The following MMS19 variants were observed in gnomAD, a reference collection of about 807,000 sequenced individuals.
The protein encoded by MMS19 is MMS19 cytosolic iron-sulfur assembly component.
Under a neutral mutation model 129.8 loss-of-function variants are expected in MMS19, and 77 were observed. That is an observed-to-expected ratio of 0.59 (90% CI 0.49 to 0.72). MMS19 has a LOEUF of 0.72. MMS19 is among the 30% of genes least tolerant of loss of function. MMS19 has a pLI of 0.00. For synonymous variants in MMS19, 491 were observed against 502.8 expected (o/e 0.98, Z 0.31); for missense variants, 1,168 against 1,266.3 (o/e 0.92, Z 1.18).
chr10:97,459,892 GGAA>G, intron 26 of MMS19, 151 bp from the exon 27 acceptor site: 2 of 996,838 alleles, frequency 2.0e-6, no homozygotes, highest in Non-Finnish European at 1.5e-6. Flanking sequence ...GCCCATGAAA[GGAA>G]GAAGTGGGAC....
chr10:97,477,730 C>G, intron 5 of MMS19, 125 bp downstream of exon 5: 1 of 707,626 alleles, frequency 1.4e-6, no homozygotes, highest in Non-Finnish European at 2.4e-6. Context: ...TGAAGAAGAG[C>G]ATAAAAACAT....
In MMS19 at chr10:97,460,200, A is replaced by G. The variant is rs1203585689; in HGVS notation, c.2502T>C (p.Gly834=). The change falls in exon 26 of 31, where the codon GGT becomes GGC. Residue 834 remains glycine (G), a synonymous_variant. Coordinates refer to ENST00000438925, the MANE Select transcript of MMS19 (RefSeq NM_022362.5). The part of the protein sequence containing the change: ...LMGLLSDPEL[G]PAAADGFSLL... ...GAGAGAAGCCATCAGCTGCTGCTGG[A>G]CCTAATTCTGGGTCACTCAGGAGGC... is the stretch of plus-strand genomic sequence containing the variant. 6.2e-7 allele frequency: 1 copy of G among 1,613,832 alleles called. No individual in the cohort carries two copies. The highest frequency in any genetic ancestry group is 1.7e-5 in the Admixed American group (1 of 60,008).
chr10:97,458,880 C>T lies in MMS19; in HGVS notation c.2985G>A (p.Gln995=). ...GGGGTTTGGCTAAGGCCCGAATCACCTGTGGTTTGTACGGCAGCAGCTGTG... is the reference window on the plus strand; with the variant it reads ...GGGGTTTGGCTAAGGCCCGAATCACTTGTGGTTTGTACGGCAGCAGCTGTG... ...PTPVLLPYKP[Q]VIRALAKPLD... The change falls in exon 30 of 31, where the codon CAG becomes CAA. Residue 995 remains glutamine, a synonymous_variant. Transcript: ENST00000438925. 6.2e-7 allele frequency: 1 copy of T among 1,614,026 alleles called. No homozygotes were observed. The highest frequency in any genetic ancestry group is 8.5e-7 in the Non-Finnish European group (1 of 1,179,894).
Position 97,498,411 on chromosome 10 carries a change from G to T in MMS19, c.-27C>A, listed in dbSNP as rs772217403. On this transcript the variant is annotated 5_prime_UTR_variant, in exon 1 of 31. Transcript: ENST00000438925. ...ACGCGAACTAGAGACCGTGGGAGGG[G>T]ATATGGGCGGTGGCTCGAGACGGGC... 5 of 1,574,394 alleles carry T rather than the reference G, an allele frequency of 3.2e-6. No homozygotes were observed. In the South Asian group the frequency reaches 4.6e-5, roughly 14 times the overall value.
intron 1 of MMS19, among the ~76,000 whole-genome samples, chr10:97,487,565 G>C (rs2038137145): frequency 6.6e-6 from 1 of 151,864 alleles, no homozygotes; most frequent in African/African-American, 2.4e-5. Flanking sequence ...ATGATCTGCT[G>C]GCCTTGGCCT....
chr10:97,489,402 A>G (rs1259226275), intron 1 of MMS19, among the ~76,000 whole-genome samples: 1 of 152,240 alleles, frequency 6.6e-6, no homozygotes, highest in Non-Finnish European at 1.5e-5. Context: ...TTTAAAAGAA[A>G]TATTTCATTT....
rs769622001 is a variant in MMS19, at chr10:97,466,834, G to A, written c.1365C>T (p.Pro455=). Reference sequence around the variant, plus strand: ...TGCCAACAAGCTGAAGCTGGGTGCTGGGGTCTGTTAGAGCCATGAATACCA... The same window carrying A: ...TGCCAACAAGCTGAAGCTGGGTGCTAGGGTCTGTTAGAGCCATGAATACCA... ...CSLVFMALTD[P]STQLQLVGIR... is the part of the protein sequence containing the mutation. The change falls in exon 15 of 31, where the codon CCC becomes CCT. Residue 455 remains proline (P), a synonymous_variant. Coordinates refer to ENST00000438925, the MANE Select transcript of MMS19 (RefSeq NM_022362.5). The A allele has an allele frequency of 2.0e-5, 32 of 1,613,872 alleles. No individual in the cohort carries two copies. Among genetic ancestry groups the A allele is most frequent in the Non-Finnish European group, 2.5e-5 (30 of 1,179,880 alleles).
At chr10:97,476,993 T>C (rs772242496) in intron 6 of MMS19, 30 bp from the exon 7 acceptor site, 17 of 1,613,270 alleles carry the variant, frequency 1.1e-5, no homozygotes, top group Admixed American at 1.7e-5. Flanking sequence ...GTTACTATAC[T>C]GTCCCACAGC....
At chr10:97,459,852 A>G in intron 26 of MMS19, 111 bp from the exon 27 acceptor site, 2 of 1,018,222 alleles carry the variant, frequency 2.0e-6, no homozygotes, top group Non-Finnish European at 3.0e-6. Context: ...CGGGTGAAAG[A>G]GCCCTTCACG....
intron 3 of MMS19, among the ~76,000 whole-genome samples, chr10:97,478,796 C>T (rs2036221574): frequency 6.6e-6 from 1 of 151,570 alleles, no homozygotes; most frequent in Non-Finnish European, 1.5e-5. Flanking sequence ...TAGCTATGTT[C>T]CAATAAAAGT....
At chr10:97,473,482 A>AG (rs1221908593) in intron 8 of MMS19, among the ~76,000 whole-genome samples, 3 of 151,822 alleles carry the variant, frequency 2.0e-5, no homozygotes, top group Admixed American at 2.0e-4. Context: ...CATCAAACTG[A>AG]GGGGGTAAAC....
intron 2 of MMS19, among the ~76,000 whole-genome samples, chr10:97,482,398 C>T (rs1050639208): frequency 6.6e-6 from 1 of 151,902 alleles, no homozygotes; most frequent in Non-Finnish European, 1.5e-5. Flanking sequence ...ATGGATGAAC[C>T]CCAAAAACAT....
chr10:97,460,366 G>A (rs2031432498), intron 25 of MMS19, 134 bp from the exon 26 acceptor site: 1 of 759,574 alleles, frequency 1.3e-6, no homozygotes, highest in African/African-American at 1.8e-5. Flanking sequence ...TGGACTGCTT[G>A]AGTCTAGGAG....
Position 97,482,155 on chromosome 10 carries a change from A to C in MMS19, c.162-1113T>G, listed in dbSNP as rs553314443. 8.5e-5 allele frequency among the ~76,000 whole-genome samples: 13 copies of C among 152,308 alleles called. No homozygotes were observed. In the South Asian group the frequency reaches 2.7e-3, roughly 32 times the overall value. On this transcript the variant is annotated intron_variant, in intron 2 of 30. Coordinates refer to ENST00000438925, the MANE Select transcript of MMS19 (RefSeq NM_022362.5). ...CGCTCCACTGCACTCTAGCTCGATT[A>C]ACAGAGTGAGACCCTGTCTCAAAGA...
At position 97,466,859 on chromosome 10, in the gene MMS19, A is replaced by G; in HGVS notation, c.1340T>C (p.Leu447Pro). ...GGGGTCTGTTAGAGCCATGAATACC[A>G]GTGAGCACAGCTGGTCCTTGAAGCC... The part of the protein sequence containing the change: ...LNGFKDQLCS[L>P]VFMALTDPST... Residue 447 changes from leucine (L) to proline (P), a missense_variant, in exon 15 of 31, where the codon CTG (leucine) becomes CCG (proline). Physicochemically the swap from Leu to Pro is moderately conservative, Grantham distance 98. Coordinates refer to ENST00000438925, the MANE Select transcript of MMS19 (RefSeq NM_022362.5). 1 of 1,614,030 alleles carries G rather than the reference A, an allele frequency of 6.2e-7. No homozygotes were observed. Among genetic ancestry groups the G allele is most frequent in the Non-Finnish European group, 8.5e-7 (1 of 1,179,886 alleles).
chr10:97,497,903 G>A (rs2040096790), intron 1 of MMS19, among the ~76,000 whole-genome samples: 1 of 152,150 alleles, frequency 6.6e-6, no homozygotes, highest in Non-Finnish European at 1.5e-5. Context: ...CCCACAAACA[G>A]CATGGCTTCG....
chr10:97,484,407 A>T (rs1443034556), intron 1 of MMS19, among the ~76,000 whole-genome samples: 1 of 152,192 alleles, frequency 6.6e-6, no homozygotes, highest in Non-Finnish European at 1.5e-5. Flanking sequence ...TCCAAGAGAA[A>T]TAAAAAAATC....
chr10:97,470,277 G>A (rs1589642088), intron 9 of MMS19, 74 bp from the exon 10 acceptor site: 2 of 1,029,632 alleles, frequency 1.9e-6, no homozygotes, highest in South Asian at 1.4e-5. Context: ...CCCTGTCCTT[G>A]CCATCAGTCC....
At chr10:97,473,036 T>A (rs1174782777) in intron 8 of MMS19, among the ~76,000 whole-genome samples, 2 of 151,982 alleles carry the variant, frequency 1.3e-5, no homozygotes, top group Non-Finnish European at 2.9e-5. Context: ...ATTCTCTTTT[T>A]ATTTATTTTT....
Sources: allele counts gnomAD v4.1 joint callset (sites outside exome capture counted in the v4.1 genomes callset), GRCh38; gene constraint gnomAD v4.1.1; transcripts MANE v1.5; gene names NCBI Gene and HGNC (gene_info 2026-07-23, HGNC 2026-07-21).